RPRD1B: variants seen among roughly 807,000 people sequenced by gnomAD.
RPRD1B encodes regulation of nuclear pre-mRNA domain containing 1B.
Under a neutral mutation model 41.5 loss-of-function variants are expected in RPRD1B, and 11 were observed. The ratio of observed to expected loss-of-function variants is 0.27; its 90% confidence interval spans 0.17 to 0.44. The LOEUF (loss-of-function observed/expected upper bound fraction) is 0.44. RPRD1B is among the 20% of genes least tolerant of loss of function. The probability of loss-of-function intolerance (pLI) is 1.00; values close to 1 mark genes in which losing one functional copy is unlikely to be tolerated. For missense variants in RPRD1B, 248 were observed against 389.9 expected (o/e 0.64, Z 3.06); for synonymous variants, 158 against 155.6 (o/e 1.02, Z -0.12).
At chr20:38,074,867 C>G (rs1281354674) in intron 6 of RPRD1B, among the ~76,000 whole-genome samples, 1 of 152,076 alleles carries the variant, frequency 6.6e-6, no homozygotes, top group African/African-American at 2.4e-5. Context: ...TTAATTTTTG[C>G]GTATTTCCTT....
chr20:38,063,150 C>G (rs920801915), intron 5 of RPRD1B, among the ~76,000 whole-genome samples: 2 of 152,102 alleles, frequency 1.3e-5, no homozygotes, highest in African/African-American at 4.8e-5. Context: ...ACGTTCCTCC[C>G]AGATAGTTAC....
chr20:38,049,367 C>CTTTTTTTTTTTTTTTTTTTTTT lies in RPRD1B; in HGVS notation c.415+907_415+908insTTTTTTTTTTTTTTTTTTTTTT, dbSNP rs11481142. Among the ~76,000 whole-genome samples the CTTTTTTTTTTTTTTTTTTTTTT allele has an allele frequency of 4.3e-5, 4 of 93,418 alleles. 1 individual carries two copies. Among genetic ancestry groups the CTTTTTTTTTTTTTTTTTTTTTT allele is most frequent in the Admixed American group, 1.2e-4 (1 of 8,552 alleles). 61.3% of individuals were successfully genotyped at this position (93,418 alleles called of 152,430 possible). On this transcript the variant is annotated intron_variant, in intron 3 of 6. Transcript: ENST00000373433. Reference sequence around the variant, plus strand: ...TTTTTTCTTTTTTCTTTCTTTTTTTCTTTTTTTTTTTTTTTTTTTTTGAGA... The same window carrying CTTTTTTTTTTTTTTTTTTTTTT: ...TTTTTTCTTTTTTCTTTCTTTTTTTCTTTTTTTTTTTTTTTTTTTTTTTTTTTTTTTTTTTTTTTTTTTGAGA...
At chr20:38,060,780 T>C (rs983207020) in intron 5 of RPRD1B, among the ~76,000 whole-genome samples, 1 of 152,174 alleles carries the variant, frequency 6.6e-6, no homozygotes, top group Non-Finnish European at 1.5e-5. Flanking sequence ...TGCAGTCTCT[T>C]GATTCCTCCC....
chr20:38,086,727 A>G (rs973186842), intron 6 of RPRD1B, among the ~76,000 whole-genome samples: 1 of 152,186 alleles, frequency 6.6e-6, no homozygotes, highest in African/African-American at 2.4e-5. Context: ...TGCTCTTACA[A>G]TAGGCGTCCC....
intron 6 of RPRD1B, among the ~76,000 whole-genome samples, chr20:38,088,259 CATT>C (rs1194998569): frequency 6.6e-6 from 1 of 152,206 alleles, no homozygotes; most frequent in Non-Finnish European, 1.5e-5. Context: ...TTTCCTGCCT[CATT>C]ATTCTTCCCA....
At chr20:38,055,057 T>A (rs1245925146) in intron 3 of RPRD1B, among the ~76,000 whole-genome samples, 1 of 152,244 alleles carries the variant, frequency 6.6e-6, no homozygotes, top group Non-Finnish European at 1.5e-5. Flanking sequence ...TTGTGCAAGC[T>A]GAACCCATGC....
chr20:38,050,789 A>G (rs1241250775), intron 3 of RPRD1B, among the ~76,000 whole-genome samples: 1 of 152,178 alleles, frequency 6.6e-6, no homozygotes, highest in African/African-American at 2.4e-5. Flanking sequence ...TAGGTAGAGG[A>G]TAATGCTAAT....
chr20:38,050,335 T>G (rs934058330), intron 3 of RPRD1B, among the ~76,000 whole-genome samples: 1 of 152,214 alleles, frequency 6.6e-6, no homozygotes, highest in Non-Finnish European at 1.5e-5. Flanking sequence ...TGCTAGAAGA[T>G]AATTTTAGGA....
At chr20:38,088,305 A>C (rs2074580812) in intron 6 of RPRD1B, among the ~76,000 whole-genome samples, 1 of 152,218 alleles carries the variant, frequency 6.6e-6, no homozygotes. Flanking sequence ...CTGCCTCTTC[A>C]GGTGTGCATC....
In RPRD1B at chr20:38,057,659, C is replaced by T. The variant is rs2074257558; in HGVS notation, c.528+15C>T. 1 of 1,575,876 alleles carries T rather than the reference C, an allele frequency of 6.3e-7. No individual in the cohort carries two copies. The highest frequency in any genetic ancestry group is 8.7e-7 in the Non-Finnish European group (1 of 1,145,602). On this transcript the variant is annotated intron_variant, in intron 4 of 6. Transcript: ENST00000373433. ...GACCCCTCTTGGTAGGTCTTGACCC[C>T]CAGAGAGTAGGGAACAGTGGCTTAA...
chr20:38,073,727 C>G (rs184094689), intron 6 of RPRD1B, among the ~76,000 whole-genome samples: 3 of 152,242 alleles, frequency 2.0e-5, no homozygotes, highest in Admixed American at 2.0e-4. Context: ...TCTCAGTGTC[C>G]TATCATGGTA....
At chr20:38,052,626 G>A (rs2074196956) in intron 3 of RPRD1B, among the ~76,000 whole-genome samples, 1 of 152,120 alleles carries the variant, frequency 6.6e-6, no homozygotes, top group Non-Finnish European at 1.5e-5. Context: ...AAGTCTATAG[G>A]TGTGGTTTTT....
At chr20:38,074,141 G>T (rs6064017) in intron 6 of RPRD1B, among the ~76,000 whole-genome samples, 22,605 of 152,176 alleles carry the variant, frequency 0.15, 1,724 homozygotes, top group South Asian at 0.28. Flanking sequence ...TTTGATGTGG[G>T]AGTTTTCTTT....
chr20:38,087,048 G>C (rs6022919), intron 6 of RPRD1B, among the ~76,000 whole-genome samples: 41,354 of 151,280 alleles, frequency 0.27, 7,758 homozygotes, highest in African/African-American at 0.54. Flanking sequence ...CCTCTGCCCC[G>C]CCGGGTTCAA....
At chr20:38,087,186 CT>C (rs1361460790) in intron 6 of RPRD1B, among the ~76,000 whole-genome samples, 3 of 152,174 alleles carry the variant, frequency 2.0e-5, no homozygotes, top group Non-Finnish European at 4.4e-5. Context: ...TCTTGAACTC[CT>C]GACCTCAGGT....
At chr20:38,070,650 A>AGT (rs1391176589) in intron 6 of RPRD1B, 8 of 984,960 alleles carry the variant, frequency 8.1e-6, no homozygotes, top group African/African-American at 1.7e-5. Flanking sequence ...CATGTGGAAG[A>AGT]GTGTGTGTGT....
intron 1 of RPRD1B, among the ~76,000 whole-genome samples, 176 bp downstream of exon 1, chr20:38,034,274 G>A (rs1327397102): frequency 2.6e-5 from 4 of 152,222 alleles, no homozygotes; most frequent in Non-Finnish European, 4.4e-5. Context: ...GCCCGGGAAG[G>A]TTTAAGGTAC....
intron 5 of RPRD1B, among the ~76,000 whole-genome samples, chr20:38,062,359 G>A (rs1285530130): frequency 7.2e-5 from 11 of 152,004 alleles, no homozygotes; most frequent in African/African-American, 2.2e-4. Context: ...GTTTTTCTGC[G>A]AATGATTTCC....
At chr20:38,045,581 A>G (rs2074112851) in intron 2 of RPRD1B, among the ~76,000 whole-genome samples, 1 of 152,192 alleles carries the variant, frequency 6.6e-6, no homozygotes. Flanking sequence ...TTGTGGTTAT[A>G]ACAGGTTTGA....
Sources: gnomAD v4.1 joint callset for allele counts (sites outside exome capture counted in the v4.1 genomes callset) on GRCh38, gnomAD v4.1.1 for gene constraint, MANE v1.5 for transcripts, NCBI Gene and HGNC (gene_info 2026-07-23, HGNC 2026-07-21) for gene names.